Variants in GDI2 observed in about 807,000 individuals in gnomAD.
The protein encoded by GDI2 is rab GDP dissociation inhibitor beta.
A neutral mutation model predicts 54.2 loss-of-function variants in GDI2; 22 were observed. The observed-to-expected ratio is 0.41, with a 90% CI of 0.29 to 0.58. The LOEUF is 0.58. Among genes scored for constraint, GDI2 ranks in the 20% least tolerant of loss-of-function variants. The pLI is 0.35. For synonymous variants in GDI2, 177 were observed against 182.1 expected, an observed-to-expected ratio of 0.97 and a Z score of 0.23; for missense variants, 422 against 546.0, an observed-to-expected ratio of 0.77 and a Z score of 2.26.
chr10:5,795,077 T>C, intron 3 of GDI2, 58 bp from the exon 4 acceptor site: 1 of 1,023,928 alleles, frequency 9.8e-7, no homozygotes, highest in Non-Finnish European at 1.5e-6. Flanking sequence ...AAAGAACATT[T>C]ACTAATACTA....
chr10:5,790,193 T>A (rs1840980391), intron 4 of GDI2, among the ~76,000 whole-genome samples: 1 of 152,244 alleles, frequency 6.6e-6, no homozygotes, highest in African/African-American at 2.4e-5. Context: ...TTGCCCGCCA[T>A]TTCAGACAGA....
intron 4 of GDI2, 114 bp from the exon 5 acceptor site, chr10:5,786,164 A>ATTTT: frequency 2.2e-6 from 1 of 450,506 alleles, no homozygotes; most frequent in South Asian, 3.1e-5. Context: ...TGCAGGATGC[A>ATTTT]ATTTTTTTTT....
chr10:5,804,832 CT>C (rs35051449), intron 1 of GDI2, among the ~76,000 whole-genome samples: 340 of 142,396 alleles, frequency 2.4e-3, no homozygotes, highest in Middle Eastern at 3.7e-3. Context: ...CTATCTGGAG[CT>C]TTTTTTTTTT....
At chr10:5,781,948 G>A (rs992166460) in intron 6 of GDI2, among the ~76,000 whole-genome samples, 7 of 152,228 alleles carry the variant, frequency 4.6e-5, no homozygotes, top group African/African-American at 1.7e-4. Flanking sequence ...GGGAGGCAGA[G>A]GTTGTAGTGA....
intron 1 of GDI2, among the ~76,000 whole-genome samples, chr10:5,808,726 T>TACACACAC (rs111237506): frequency 0.053 from 7,259 of 138,160 alleles, 237 homozygotes; most frequent in East Asian, 0.12. Context: ...AAACTACAAA[T>TACACACAC]ACACACACAC....
At chr10:5,773,261 T>G (rs1840540585) in intron 7 of GDI2, among the ~76,000 whole-genome samples, 1 of 152,196 alleles carries the variant, frequency 6.6e-6, no homozygotes, top group African/African-American at 2.4e-5. Context: ...GCAGTGCACT[T>G]TGAAGTGCAT....
At chr10:5,770,223 G>C (rs890758525) in intron 7 of GDI2, among the ~76,000 whole-genome samples, 18 of 152,222 alleles carry the variant, frequency 1.2e-4, no homozygotes, top group African/African-American at 4.3e-4. Flanking sequence ...GCTGGAAGCA[G>C]AGAACGAGGA....
At chr10:5,786,090 C>T (rs901169580) in intron 4 of GDI2, 40 bp from the exon 5 acceptor site, 2 of 1,360,826 alleles carry the variant, frequency 1.5e-6, no homozygotes, top group African/African-American at 2.9e-5. Context: ...CACTCACAAT[C>T]AGACATTGAG....
Position 5,768,123 on chromosome 10 carries a change from C to T in GDI2, c.991+90G>A. On this transcript the variant is annotated intron_variant, in intron 8 of 10. Transcript: ENST00000380191. The surrounding 1 kb of genome is among the most constrained non-coding windows in gnomAD (Gnocchi z 4.4). ...GTAAACCAAGGTCTGTTCACTAATA[C>T]AGCATACAAAATTAGGAATTTGGGA... The T allele has an allele frequency of 9.4e-7, 1 of 1,064,056 alleles. No individual in the cohort carries two copies. The highest frequency in any genetic ancestry group is 1.9e-5 in the Admixed American group (1 of 52,734). The allele number at this position is 1,064,056 out of a possible 1,614,324, so 65.9% of individuals were successfully genotyped here. A position where few individuals can be genotyped will look rare whatever the true frequency, so the allele number is the denominator to read the frequency against.
chr10:5,768,537 C>G lies in GDI2; in HGVS notation c.820-153G>C, dbSNP rs1588964471. 1.7e-6 allele frequency: 1 copy of G among 597,928 alleles called. No individual in the cohort carries two copies. The highest frequency in any genetic ancestry group is 3.0e-6 in the Non-Finnish European group (1 of 338,598). 37.0% of individuals were successfully genotyped at this position (597,928 alleles called of 1,614,324 possible). ...CCAAGGGATTGAATTCTGGAACAAC[C>G]AAAACAATCTTAAAAGAAGAACAGC... On this transcript the variant is annotated intron_variant, in intron 7 of 10. Transcript: ENST00000380191. The surrounding 1 kb of genome is among the most constrained non-coding windows in gnomAD (Gnocchi z 4.4).
At chr10:5,790,983 C>A (rs1466069017) in intron 4 of GDI2, among the ~76,000 whole-genome samples, 19 of 151,898 alleles carry the variant, frequency 1.3e-4, no homozygotes, top group Admixed American at 1.2e-3. Context: ...ATAGCAAGAC[C>A]CCATTTATAC....
At chr10:5,791,766 A>T (rs967512684) in intron 4 of GDI2, among the ~76,000 whole-genome samples, 25 of 137,928 alleles carry the variant, frequency 1.8e-4, no homozygotes, top group African/African-American at 6.6e-4. Context: ...AAAAAAAAAA[A>T]TAAGCCAGGT....
At chr10:5,781,273 A>G (rs1363782957) in intron 6 of GDI2, among the ~76,000 whole-genome samples, 149 of 57,808 alleles carry the variant, frequency 2.6e-3, no homozygotes, top group East Asian at 5.0e-3. Context: ...TAAAACTTCT[A>G]AAAAAAAAAA....
Position 5,768,196 on chromosome 10 carries a change from T to C in GDI2, c.991+17A>G, listed in dbSNP as rs561527136. The C allele has an allele frequency of 4.3e-5, 69 of 1,597,710 alleles. No individual in the cohort carries two copies. In the East Asian group the frequency reaches 1.3e-3, roughly 30 times the overall value. ...CTTACAAAATTCTACCAACATCTGC[T>C]GGTCTTCAAACCTCACCTGACTTTC... On this transcript the variant is annotated intron_variant, in intron 8 of 10. Transcript: ENST00000380191. The surrounding 1 kb of genome is among the most constrained non-coding windows in gnomAD (Gnocchi z 4.4).
intron 1 of GDI2, among the ~76,000 whole-genome samples, chr10:5,810,890 TCATA>T (rs773450495): frequency 1.6e-4 from 24 of 152,206 alleles, no homozygotes; most frequent in Non-Finnish European, 2.5e-4. Context: ...ACTTAACAAC[TCATA>T]CAAACAATGG....
intron 4 of GDI2, among the ~76,000 whole-genome samples, chr10:5,788,816 G>A (rs57728946): frequency 1.8e-3 from 268 of 151,834 alleles, no homozygotes; most frequent in African/African-American, 5.4e-3. Flanking sequence ...GCTAGAGTGC[G>A]CAGTGGCGCG....
At chr10:5,775,760 T>C (rs748321293) in intron 6 of GDI2, among the ~76,000 whole-genome samples, 8 of 152,180 alleles carry the variant, frequency 5.3e-5, no homozygotes, top group African/African-American at 1.7e-4. Context: ...AAAATTGCCA[T>C]GTTCAAAGGA....
chr10:5,777,135 T>C (rs943123157), intron 6 of GDI2, among the ~76,000 whole-genome samples: 1 of 152,154 alleles, frequency 6.6e-6, no homozygotes, highest in African/African-American at 2.4e-5. Flanking sequence ...CATAGAATAA[T>C]TTTTTCAAGC....
At chr10:5,804,632 T>G (rs182376430) in intron 1 of GDI2, among the ~76,000 whole-genome samples, 99 of 152,302 alleles carry the variant, frequency 6.5e-4, no homozygotes, top group African/African-American at 2.2e-3. Context: ...GTCTATTTAT[T>G]ATCATTGCTA....
Sources: allele counts gnomAD v4.1 joint callset (sites outside exome capture counted in the v4.1 genomes callset), GRCh38; gene constraint gnomAD v4.1.1; non-coding constraint Gnocchi (gnomAD v3.1); transcripts MANE v1.5; gene names NCBI Gene and HGNC (gene_info 2026-07-23, HGNC 2026-07-21).